Variants in NPAS3 observed in about 807,000 individuals in gnomAD.
NPAS3 encodes the protein neuronal PAS domain protein 3, also known as neuronal PAS domain-containing protein 3.
NPAS3 carries 14 observed loss-of-function variants against 73.1 expected under a neutral mutation model. The ratio of observed to expected loss-of-function variants is 0.19; its 90% CI spans 0.13 to 0.30. The LOEUF (loss-of-function observed/expected upper bound fraction) is 0.30. Among genes scored for constraint, NPAS3 ranks in the 10% least tolerant of loss-of-function variants. The pLI is 1.00. For missense variants in NPAS3, 1,096 were observed against 1,250.0 expected, an observed-to-expected ratio of 0.88 and a Z score of 1.86; for synonymous variants, 620 against 541.5, an observed-to-expected ratio of 1.14 and a Z score of -2.01.
At chr14:33,088,773 C>A (rs1400472191) in intron 2 of NPAS3, among the ~76,000 whole-genome samples, 2 of 152,182 alleles carry the variant, frequency 1.3e-5, no homozygotes, top group East Asian at 1.9e-4. Flanking sequence ...GGAGGAACCC[C>A]CCAGTAGGGG....
intron 5 of NPAS3, among the ~76,000 whole-genome samples, chr14:33,590,363 A>G (rs1595224241): frequency 6.6e-6 from 1 of 152,234 alleles, no homozygotes; most frequent in East Asian, 1.9e-4. Context: ...TATAATACTT[A>G]CTGCTAGATA....
intron 7 of NPAS3, among the ~76,000 whole-genome samples, chr14:33,744,947 G>A (rs2061750582): frequency 6.6e-6 from 1 of 151,730 alleles, no homozygotes; most frequent in Admixed American, 6.6e-5. Context: ...TTTGTATAAA[G>A]CACAGTATCT....
chr14:33,742,156 C>T (rs997208241), intron 7 of NPAS3, among the ~76,000 whole-genome samples: 4 of 152,206 alleles, frequency 2.6e-5, no homozygotes, highest in Admixed American at 6.5e-5. Flanking sequence ...AAAAAACAAA[C>T]GCAAGCACAG....
At chr14:33,207,835 A>G (rs1351997399) in intron 2 of NPAS3, among the ~76,000 whole-genome samples, 1 of 152,214 alleles carries the variant, frequency 6.6e-6, no homozygotes. Context: ...CAGCTGTGTC[A>G]TCCATAGCTT....
intron 1 of NPAS3, among the ~76,000 whole-genome samples, chr14:32,975,385 A>G (rs951088229): frequency 2.1e-5 from 3 of 141,536 alleles, no homozygotes; most frequent in East Asian, 4.6e-4. Context: ...CACTGGCACC[A>G]TTATAGCTCA....
intron 3 of NPAS3, among the ~76,000 whole-genome samples, chr14:33,316,364 C>A (rs2043208605): frequency 6.6e-6 from 1 of 152,048 alleles, no homozygotes; most frequent in South Asian, 2.1e-4. Context: ...ACATAGATTT[C>A]TCTTTCTAGC....
At chr14:33,307,388 G>C (rs1045740026) in intron 3 of NPAS3, among the ~76,000 whole-genome samples, 1 of 151,902 alleles carries the variant, frequency 6.6e-6, no homozygotes, top group African/African-American at 2.4e-5. Context: ...ATTGTATATC[G>C]TTCTTATTAA....
Position 33,039,001 on chromosome 14 carries a change from G to A in NPAS3, c.51-16904G>A, listed in dbSNP as rs114489888. Among the ~76,000 whole-genome samples the A allele has an allele frequency of 4.3e-3, 654 of 152,272 alleles. 7 individuals are homozygous for A. Among genetic ancestry groups the A allele is most frequent in the African/African-American group, 0.015 (624 of 41,556 alleles). ...TGAGGAAGAAAAGACTATGTGCAGT[G>A]TGGGAAGACAAAATGACATATTTGG... On this transcript the variant is annotated intron_variant, in intron 1 of 11. Transcript: ENST00000356141.
intron 2 of NPAS3, among the ~76,000 whole-genome samples, chr14:33,140,129 G>T (rs2043992826): frequency 6.6e-6 from 1 of 151,992 alleles, no homozygotes; most frequent in African/African-American, 2.4e-5. Flanking sequence ...CCTCTTTGGT[G>T]GTGTGGTTCA....
Position 32,959,699 on chromosome 14 carries a change from T to C in NPAS3, c.50+20333T>C, listed in dbSNP as rs1176594220. On this transcript the variant is annotated intron_variant, in intron 1 of 11. Transcript: ENST00000356141. ...ACACATAGTGCTGGTTTTAGAAGCGTCGGGCATACTTCATTTCCTCAGTAA... is the reference window on the plus strand; with the variant it reads ...ACACATAGTGCTGGTTTTAGAAGCGCCGGGCATACTTCATTTCCTCAGTAA... Among the ~76,000 whole-genome samples, 4 of 152,300 alleles carry C rather than the reference T, an allele frequency of 2.6e-5. No individual in the cohort carries two copies. In the East Asian group the frequency reaches 5.8e-4, roughly 22 times the overall value.
chr14:33,553,260 C>G (rs2055203703), intron 4 of NPAS3, among the ~76,000 whole-genome samples: 1 of 152,204 alleles, frequency 6.6e-6, no homozygotes, highest in Non-Finnish European at 1.5e-5. Context: ...TTTTAAGGAG[C>G]AGAAGTAAAA....
chr14:33,310,700 C>T (rs1056421600), intron 3 of NPAS3, among the ~76,000 whole-genome samples: 3 of 151,684 alleles, frequency 2.0e-5, no homozygotes, highest in Non-Finnish European at 2.9e-5. Flanking sequence ...CCTGTGTCAC[C>T]TCATCAAGTC....
chr14:33,145,730 C>T (rs1170152396), intron 2 of NPAS3, among the ~76,000 whole-genome samples: 1 of 152,054 alleles, frequency 6.6e-6, no homozygotes, highest in Non-Finnish European at 1.5e-5. Flanking sequence ...CTATTCGTTT[C>T]TTTCCTTACC....
chr14:33,096,561 A>T (rs998601347), intron 2 of NPAS3, among the ~76,000 whole-genome samples: 5 of 152,226 alleles, frequency 3.3e-5, no homozygotes, highest in African/African-American at 1.2e-4. Context: ...GTGACCTTGT[A>T]CAAGTCACTT....
chr14:33,322,832 C>T (rs1261968802), intron 3 of NPAS3, among the ~76,000 whole-genome samples: 22 of 152,084 alleles, frequency 1.4e-4, no homozygotes, highest in Admixed American at 1.4e-3. Context: ...CATCCTTCCC[C>T]TTAGGTGGCA....
At chr14:33,099,957 G>A (rs1284215964) in intron 2 of NPAS3, among the ~76,000 whole-genome samples, 1 of 152,120 alleles carries the variant, frequency 6.6e-6, no homozygotes, top group Non-Finnish European at 1.5e-5. Flanking sequence ...TAAAATTTAA[G>A]TTTTCCATTA....
chr14:33,340,511 C>T lies in NPAS3; in HGVS notation c.386-26675C>T, dbSNP rs575537243. On this transcript the variant is annotated intron_variant, in intron 3 of 11. Coordinates refer to ENST00000356141, the Ensembl canonical transcript of NPAS3. The stretch of plus-strand genomic sequence containing the variant: ...CTCCGTCTCAAAAAGACAAAATTTC[C>T]TTTAATTTTGTGTAACCATTTTATA... Among the ~76,000 whole-genome samples the T allele has an allele frequency of 8.5e-5, 13 of 152,292 alleles. No individual in the cohort carries two copies. In the East Asian group the frequency reaches 1.7e-3, roughly 20 times the overall value.
At chr14:33,160,369 C>T (rs1003161429) in intron 2 of NPAS3, among the ~76,000 whole-genome samples, 1 of 151,460 alleles carries the variant, frequency 6.6e-6, no homozygotes, top group Non-Finnish European at 1.5e-5. Flanking sequence ...AATAAGTGGT[C>T]CAAAAGTGGT....
intron 4 of NPAS3, among the ~76,000 whole-genome samples, chr14:33,520,618 T>C (rs2053514356): frequency 6.6e-6 from 1 of 152,136 alleles, no homozygotes; most frequent in South Asian, 2.1e-4. Context: ...CAAATTTCAA[T>C]TATGACAACA....
Sources: gnomAD v4.1 joint callset for allele counts (sites outside exome capture counted in the v4.1 genomes callset) on GRCh38, gnomAD v4.1.1 for gene constraint, MANE v1.5 for transcripts, NCBI Gene and HGNC (gene_info 2026-07-23, HGNC 2026-07-21) for gene names.